PRKG1: variants seen among roughly 807,000 people sequenced by gnomAD.
The protein encoded by PRKG1 is cGMP-dependent protein kinase 1.
A neutral mutation model predicts 88.1 loss-of-function variants in PRKG1; 35 were observed. That is an observed-to-expected ratio of 0.40 (90% CI 0.30 to 0.53). PRKG1 has a LOEUF of 0.53. Ranked by LOEUF, PRKG1 falls within the 20% of genes least tolerant of loss-of-function variation. The probability of loss-of-function intolerance (pLI) is 0.59; values close to 1 mark genes in which losing one functional copy is unlikely to be tolerated. For missense variants in PRKG1, 540 were observed against 839.8 expected (o/e 0.64, Z 4.41); for synonymous variants, 303 against 292.5 (o/e 1.04, Z -0.37).
chr10:51,627,919 T>TCCCTTCCTTCCCTTCCTTCCCTTCCTG (rs1564579503), intron 3 of PRKG1, among the ~76,000 whole-genome samples: 1 of 81,974 alleles, frequency 1.2e-5, no homozygotes, highest in African/African-American at 3.8e-5. Context: ...TTCCCTTCCT[T>TCCCTTCCTTCCCTTCCTTCCCTTCCTG]CCCTTCCTTT....
At chr10:52,287,037 TA>T (rs1842132118) in intron 14 of PRKG1, among the ~76,000 whole-genome samples, 1 of 151,956 alleles carries the variant, frequency 6.6e-6, no homozygotes, top group Admixed American at 6.6e-5. Context: ...ATGCATCACA[TA>T]AAAACCACAA....
chr10:51,210,629 G>A (rs1838189246), intron 2 of PRKG1, among the ~76,000 whole-genome samples: 3 of 152,032 alleles, frequency 2.0e-5, no homozygotes, highest in Non-Finnish European at 4.4e-5. Flanking sequence ...AATGACAAAG[G>A]GGTATCATCA....
chr10:51,031,227 G>C lies in PRKG1; in HGVS notation c.266+39583G>C, dbSNP rs1843278550. Among the ~76,000 whole-genome samples the C allele has an allele frequency of 2.0e-5, 3 of 152,178 alleles. No homozygotes were observed. The South Asian group carries it at 6.2e-4, about 32-fold the overall frequency. On this transcript the variant is annotated intron_variant, in intron 1 of 17. Coordinates refer to the PRKG1 transcript ENST00000401604. ...TGGAATTCACAGAGGGTGGATAAAA[G>C]GTTATTAACATTAATCTCCTAGGCC...
At chr10:51,301,802 C>T (rs1056987605) in intron 2 of PRKG1, among the ~76,000 whole-genome samples, 1 of 152,192 alleles carries the variant, frequency 6.6e-6, no homozygotes, top group African/African-American at 2.4e-5. Context: ...CTGGACATTG[C>T]AGGTTTGGCT....
intron 2 of PRKG1, among the ~76,000 whole-genome samples, chr10:51,312,596 G>A (rs754357163): frequency 6.6e-6 from 1 of 152,090 alleles, no homozygotes; most frequent in Non-Finnish European, 1.5e-5. Context: ...GAAACAGCTG[G>A]TTCTGCACAT....
intron 5 of PRKG1, among the ~76,000 whole-genome samples, chr10:51,936,007 TC>T (rs1332797465): frequency 6.6e-6 from 1 of 152,082 alleles, no homozygotes; most frequent in Non-Finnish European, 1.5e-5. Context: ...ACTGAGCTCA[TC>T]ATCTTCCTCA....
intron 2 of PRKG1, among the ~76,000 whole-genome samples, chr10:51,380,573 G>C (rs1837057111): frequency 2.0e-5 from 3 of 152,134 alleles, no homozygotes; most frequent in African/African-American, 7.2e-5. Flanking sequence ...ACTGAGGCTG[G>C]CAGGTCACCT....
intron 3 of PRKG1, among the ~76,000 whole-genome samples, chr10:51,686,303 C>A (rs888467188): frequency 2.6e-5 from 4 of 152,094 alleles, no homozygotes; most frequent in Middle Eastern, 3.2e-3. Flanking sequence ...TCCCTCTTCA[C>A]CCCCATCAAG....
intron 3 of PRKG1, chr10:51,568,331 C>A (rs1837660397): frequency 6.6e-6 from 1 of 152,108 alleles, no homozygotes; most frequent in African/African-American, 2.4e-5. Context: ...ACTGTCTCCT[C>A]TGAGGAGCAA....
chr10:51,708,353 A>G (rs914520967), intron 3 of PRKG1, among the ~76,000 whole-genome samples: 1 of 152,172 alleles, frequency 6.6e-6, no homozygotes, highest in Admixed American at 6.5e-5. Flanking sequence ...GTCTCTAAAT[A>G]CAGTCACATT....
intron 1 of PRKG1, among the ~76,000 whole-genome samples, chr10:50,993,055 C>G (rs1842798550): frequency 6.6e-6 from 1 of 152,130 alleles, no homozygotes; most frequent in Admixed American, 6.5e-5. Flanking sequence ...CAGGTCAGCT[C>G]CAGGGCGCTT....
At chr10:51,821,433 G>T (rs1839742420) in intron 4 of PRKG1, among the ~76,000 whole-genome samples, 1 of 152,016 alleles carries the variant, frequency 6.6e-6, no homozygotes, top group African/African-American at 2.4e-5. Context: ...ATATAATTTT[G>T]CACAGTGGTT....
intron 8 of PRKG1, among the ~76,000 whole-genome samples, chr10:52,145,458 G>T (rs933018931): frequency 1.3e-5 from 2 of 152,128 alleles, no homozygotes; most frequent in Admixed American, 6.6e-5. Flanking sequence ...GATAATATTT[G>T]AAATTTTATA....
intron 4 of PRKG1, among the ~76,000 whole-genome samples, chr10:51,842,239 G>A (rs756122203): frequency 4.0e-4 from 61 of 152,266 alleles, no homozygotes; most frequent in African/African-American, 1.2e-3. Context: ...ATTATTCTGG[G>A]ATCACCAGTT....
chr10:51,698,309 TCTCTACCAC>T (rs762563728), intron 3 of PRKG1: 137 of 1,614,044 alleles, frequency 8.5e-5, no homozygotes, highest in Non-Finnish European at 1.1e-4. Context: ...CGCTCGAGAA[TCTCTACCAC>T]CTCTACCATC....
intron 9 of PRKG1, among the ~76,000 whole-genome samples, chr10:52,223,117 C>G (rs1840289943): frequency 6.6e-6 from 1 of 152,118 alleles, no homozygotes; most frequent in Non-Finnish European, 1.5e-5. Context: ...ACCTACCAAC[C>G]AAACAAACAA....
chr10:51,822,854 G>A (rs1409561640), intron 4 of PRKG1, among the ~76,000 whole-genome samples: 1 of 151,988 alleles, frequency 6.6e-6, no homozygotes, highest in Admixed American at 6.6e-5. Context: ...TTTTTCTTCT[G>A]TTTGTTTTGC....
chr10:51,207,830 C>T (rs2132067181), intron 2 of PRKG1, among the ~76,000 whole-genome samples: 1 of 152,238 alleles, frequency 6.6e-6, no homozygotes, highest in African/African-American at 2.4e-5. Flanking sequence ...GTCTTATATT[C>T]CTACCTCCAT....
At chr10:51,119,707 A>C (rs934747829) in intron 1 of PRKG1, among the ~76,000 whole-genome samples, 2 of 152,078 alleles carry the variant, frequency 1.3e-5, no homozygotes, top group African/African-American at 4.8e-5. Context: ...CCACAAGACA[A>C]ATCTTTCCAT....
Sources: gnomAD v4.1 joint callset for allele counts (sites outside exome capture counted in the v4.1 genomes callset) on GRCh38, gnomAD v4.1.1 for gene constraint, MANE v1.5 for transcripts, NCBI Gene and HGNC (gene_info 2026-07-23, HGNC 2026-07-21) for gene names.